The following CEP44 variants were observed in gnomAD, a reference collection of about 807,000 sequenced individuals.
The protein encoded by CEP44 is centrosomal protein of 44 kDa.
In CEP44, 45 loss-of-function variants were observed where a neutral mutation model predicts 46.7. The observed-to-expected ratio is 0.96, with a 90% CI of 0.76 to 1.24. The LOEUF is 1.24. Among genes scored for constraint, CEP44 ranks in the 50% most tolerant of loss-of-function variants. The pLI is 0.00. For synonymous variants in CEP44, 142 were observed against 146.0 expected (o/e 0.97, Z 0.20); for missense variants, 475 against 459.7 (o/e 1.03, Z -0.30).
chr4:174,327,207 A>AG (rs57693977), intron 8 of CEP44, among the ~76,000 whole-genome samples: 7 of 150,110 alleles, frequency 4.7e-5, no homozygotes, highest in African/African-American at 1.2e-4. Context: ...AGAGAGAGAG[A>AG]AAAAACAGAT....
chr4:174,312,203 A>G lies in CEP44; in HGVS notation c.961+1345A>G, dbSNP rs1032010195. ...AGTTTGATTTTGCATGCTCAGGCTT[A>G]TTTTTTTTTAATGACATGATTATAG... On this transcript the variant is annotated intron_variant, in intron 9 of 11. Transcript: ENST00000503780. This position sits in a 1 kb window ranked among gnomAD's most constrained non-coding sequence, Gnocchi z 4.5. Among the ~76,000 whole-genome samples the G allele has an allele frequency of 1.5e-4, 22 of 149,192 alleles. No homozygotes were observed. The highest frequency in any genetic ancestry group is 4.5e-5 in the Non-Finnish European group (3 of 67,188).
In CEP44 at chr4:174,297,339, G is replaced by T. The variant is rs1315418422; in HGVS notation, c.-147-627G>T. Among the ~76,000 whole-genome samples, 1 of 151,262 alleles carries T rather than the reference G, an allele frequency of 6.6e-6. No individual in the cohort carries two copies. The highest frequency in any genetic ancestry group is 1.5e-5 in the Non-Finnish European group (1 of 67,850). ...TTCTTCTCTGCTTATTTTGTTTAAG[G>T]TATTTATATATACTTTTCATACTGA... On this transcript the variant is annotated intron_variant, in intron 1 of 11. Transcript: ENST00000503780. This position sits in a 1 kb window ranked among gnomAD's most constrained non-coding sequence, Gnocchi z 4.3.
In CEP44 at chr4:174,317,953, G is replaced by A. The variant is rs1464652561; in HGVS notation, c.*570G>A. On this transcript the variant is annotated 3_prime_UTR_variant, in exon 12 of 12. Transcript: ENST00000503780. ...AAATTAAGGTTAAGATTCTCCTTTTGTACTGGGAAACAGGCTGGAGGACTA... is the reference window on the plus strand; with the variant it reads ...AAATTAAGGTTAAGATTCTCCTTTTATACTGGGAAACAGGCTGGAGGACTA... The A allele has an allele frequency of 1.0e-6, 1 of 985,206 alleles. No homozygotes were observed. The highest frequency in any genetic ancestry group is 1.2e-6 in the Non-Finnish European group (1 of 829,880). The allele number at this position is 985,206 out of a possible 1,614,324, so 61.0% of individuals were successfully genotyped here. A position where few individuals can be genotyped will look rare whatever the true frequency, so the allele number is the denominator to read the frequency against.
At chr4:174,294,444 T>C (rs1249756044) in intron 1 of CEP44, among the ~76,000 whole-genome samples, 1 of 151,530 alleles carries the variant, frequency 6.6e-6, no homozygotes, top group Non-Finnish European at 1.5e-5. Context: ...TGTCTACCTC[T>C]TTCTACACAG....
chr4:174,306,013 G>C (rs1740353822), intron 6 of CEP44, among the ~76,000 whole-genome samples: 1 of 151,972 alleles, frequency 6.6e-6, no homozygotes, highest in Non-Finnish European at 1.5e-5. Context: ...AAAGTTCTCA[G>C]ATTTAGAAAA....
In CEP44 at chr4:174,325,804, A is replaced by G. The variant is rs1742626390; in HGVS notation, c.1087-5678A>G. Among the ~76,000 whole-genome samples, 1 of 152,188 alleles carries G rather than the reference A, an allele frequency of 6.6e-6. No individual in the cohort carries two copies. The highest frequency in any genetic ancestry group is 6.5e-5 in the Admixed American group (1 of 15,268). On this transcript the variant is annotated intron_variant, in intron 8 of 8. Coordinates refer to the CEP44 transcript ENST00000426172. This position sits in a 1 kb window ranked among gnomAD's most constrained non-coding sequence, Gnocchi z 4.4. ...TTTAGGACTGCTATTTCTTCATGAT[A>G]AAGAGACTTATTTCTTATTATGAGT... is the stretch of plus-strand genomic sequence containing the variant.
At chr4:174,289,530 G>C (rs1435646697) in intron 1 of CEP44, among the ~76,000 whole-genome samples, 1 of 151,294 alleles carries the variant, frequency 6.6e-6, no homozygotes, top group Admixed American at 6.6e-5. Context: ...CCAATTTGAT[G>C]GCATATAATT....
chr4:174,314,336 T>C lies in CEP44; in HGVS notation c.962-1830T>C, dbSNP rs184296910. Reference sequence around the variant, plus strand: ...AAGAAACTATTAATGTTTAAACAAGTAAGGCTTTACTAAAGGTTCAGGATA... The same window carrying C: ...AAGAAACTATTAATGTTTAAACAAGCAAGGCTTTACTAAAGGTTCAGGATA... On this transcript the variant is annotated intron_variant, in intron 9 of 11. Transcript: ENST00000503780. This position sits in a 1 kb window ranked among gnomAD's most constrained non-coding sequence, Gnocchi z 4.1. Among the ~76,000 whole-genome samples, 4 of 152,266 alleles carry C rather than the reference T, an allele frequency of 2.6e-5. No individual in the cohort carries two copies. The highest frequency in any genetic ancestry group is 7.2e-5 in the African/African-American group (3 of 41,548).
At position 174,309,953 on chromosome 4, in the gene CEP44, T is replaced by G; in HGVS notation, c.782T>G (p.Leu261Trp). 6.2e-7 allele frequency: 1 copy of G among 1,612,854 alleles called. No individual in the cohort carries two copies. Among genetic ancestry groups the G allele is most frequent in the Non-Finnish European group, 8.5e-7 (1 of 1,179,258 alleles). The part of the protein sequence containing the change: ...LTSIEKRLDC[L>W]EQKMKGKVMV... The stretch of plus-strand genomic sequence containing the variant: ...TCGATAGAGAAAAGGTTAGACTGTT[T>G]GGAACAAAAAATGAAAGGAAAAGTG... The change falls in exon 8 of 12, where the codon TTG (leucine) becomes TGG (tryptophan). Residue 261 changes from leucine to tryptophan, a missense_variant. Physicochemically the swap from Leu to Trp is moderately conservative, Grantham distance 61. Transcript: ENST00000503780. The surrounding 1 kb of genome is among the most constrained non-coding windows in gnomAD (Gnocchi z 5.3).
chr4:174,316,660 C>A (rs1741759178), intron 11 of CEP44, 93 bp downstream of exon 11: 1 of 1,144,868 alleles, frequency 8.7e-7, no homozygotes, highest in Non-Finnish European at 1.2e-6. Flanking sequence ...GTGTTTCAAA[C>A]CTTAAAGGTC....
In CEP44 at chr4:174,310,150, TGAGA is replaced by T; in HGVS notation, c.885+95_885+98del. The T allele has an allele frequency of 2.8e-6, 3 of 1,072,008 alleles. No homozygotes were observed. Among genetic ancestry groups the T allele is most frequent in the Non-Finnish European group, 4.0e-6 (3 of 755,154 alleles). The allele number at this position is 1,072,008 out of a possible 1,614,324, so 66.4% of individuals were successfully genotyped here. A position where few individuals can be genotyped will look rare whatever the true frequency, so the allele number is the denominator to read the frequency against. ...TGTATTTTTTTGGAAATGCTAAATA[TGAGA>T]ATATTTGAATAATGAGAAAATGTCT... On this transcript the variant is annotated intron_variant, in intron 8 of 11. Coordinates refer to ENST00000503780, the MANE Select transcript of CEP44 (RefSeq NM_001040157.3). This position sits in a 1 kb window ranked among gnomAD's most constrained non-coding sequence, Gnocchi z 4.2.
Position 174,314,847 on chromosome 4 carries a change from C to T in CEP44, c.962-1319C>T, listed in dbSNP as rs1227175973. Among the ~76,000 whole-genome samples the T allele has an allele frequency of 1.3e-5, 2 of 152,160 alleles. No individual in the cohort carries two copies. The highest frequency in any genetic ancestry group is 3.8e-4 in the East Asian group (2 of 5,200). On this transcript the variant is annotated intron_variant, in intron 9 of 11. Transcript: ENST00000503780. The surrounding 1 kb of genome is among the most constrained non-coding windows in gnomAD (Gnocchi z 4.1). ...ACACCCTGTAATCTTGACCTCCAGG[C>T]TTAGCTAATTGGATTAAGAGTAGAC...
rs150039229 is a variant in CEP44 at position 174,301,698 on chromosome 4, A to C, written c.90-341A>C. Among the ~76,000 whole-genome samples, 498 of 152,300 alleles carry C rather than the reference A, an allele frequency of 3.3e-3. 7 individuals carry two copies. Among genetic ancestry groups the C allele is most frequent in the African/African-American group, 0.011 (454 of 41,578 alleles). ...AAGTGTTTGCAAAACCATAAAGTGT[A>C]CTTCAATTTTGTAAGATGGTACATT... On this transcript the variant is annotated intron_variant, in intron 3 of 11. Transcript: ENST00000503780. This position sits in a 1 kb window ranked among gnomAD's most constrained non-coding sequence, Gnocchi z 4.3.
At chr4:174,302,467 C>G (rs1739843636) in intron 4 of CEP44, among the ~76,000 whole-genome samples, 1 of 151,814 alleles carries the variant, frequency 6.6e-6, no homozygotes, top group African/African-American at 2.4e-5. Context: ...GATATACTGG[C>G]AGAAATTAGA....
Position 174,288,125 on chromosome 4 carries a change from C to T in CEP44, c.-148+4182C>T, listed in dbSNP as rs763309790. ...GCTTCATTTTTTAACCTGTTTATTGCGGTATGATTGACATACAGAAAGCTA... is the reference window on the plus strand; with the variant it reads ...GCTTCATTTTTTAACCTGTTTATTGTGGTATGATTGACATACAGAAAGCTA... On this transcript the variant is annotated intron_variant, in intron 1 of 11. Transcript: ENST00000503780. This position sits in a 1 kb window ranked among gnomAD's most constrained non-coding sequence, Gnocchi z 4.6. Among the ~76,000 whole-genome samples, 64 of 152,156 alleles carry T rather than the reference C, an allele frequency of 4.2e-4. No individual in the cohort carries two copies. Among genetic ancestry groups the T allele is most frequent in the South Asian group, 2.1e-4 (1 of 4,826 alleles).
rs918526581 is a variant in CEP44 at position 174,312,278 on chromosome 4, T to A, written c.961+1420T>A. Among the ~76,000 whole-genome samples the A allele has an allele frequency of 2.3e-4, 35 of 151,972 alleles. No homozygotes were observed. Among genetic ancestry groups the A allele is most frequent in the African/African-American group, 5.1e-4 (21 of 41,458 alleles). ...AACACATGGCTAAGTTTTTTTTTTT[T>A]AATTTTTTAATTTTTTTGAGATAAG... On this transcript the variant is annotated intron_variant, in intron 9 of 11. Transcript: ENST00000503780. The surrounding 1 kb of genome is among the most constrained non-coding windows in gnomAD (Gnocchi z 4.5).
rs1157749156 is a variant in CEP44 at position 174,325,814 on chromosome 4, A to C, written c.1087-5668A>C. Among the ~76,000 whole-genome samples, 1 of 152,124 alleles carries C rather than the reference A, an allele frequency of 6.6e-6. No homozygotes were observed. Among genetic ancestry groups the C allele is most frequent in the Non-Finnish European group, 1.5e-5 (1 of 68,020 alleles). Reference sequence around the variant, plus strand: ...CTATTTCTTCATGATAAAGAGACTTATTTCTTATTATGAGTTGGCCCTCTT... The same window carrying C: ...CTATTTCTTCATGATAAAGAGACTTCTTTCTTATTATGAGTTGGCCCTCTT... On this transcript the variant is annotated intron_variant, in intron 8 of 8. Transcript: ENST00000426172. This position sits in a 1 kb window ranked among gnomAD's most constrained non-coding sequence, Gnocchi z 4.4.
In CEP44 at chr4:174,286,170, C is replaced by A. The variant is rs993378403; in HGVS notation, c.-148+2227C>A. ...GAGACTAGGAACAGAAAGGTAGGTT[C>A]ATAAAGAGGGAGCAGTTGCTCTACC... On this transcript the variant is annotated intron_variant, in intron 1 of 11. Coordinates refer to ENST00000503780, the MANE Select transcript of CEP44 (RefSeq NM_001040157.3). This position sits in a 1 kb window ranked among gnomAD's most constrained non-coding sequence, Gnocchi z 5.2. Among the ~76,000 whole-genome samples, 13 of 152,158 alleles carry A rather than the reference C, an allele frequency of 8.5e-5. No homozygotes were observed. Among genetic ancestry groups the A allele is most frequent in the Non-Finnish European group, 1.9e-4 (13 of 68,010 alleles).
In CEP44 at chr4:174,317,406, C is replaced by A; in HGVS notation, c.*23C>A. ...TAGGATTTTCTACATGAACTTTTTT[C>A]TAGGACTTTGGTTACTATACATATT... On this transcript the variant is annotated 3_prime_UTR_variant, in exon 12 of 12. Coordinates refer to ENST00000503780, the MANE Select transcript of CEP44 (RefSeq NM_001040157.3). The A allele has an allele frequency of 7.1e-7, 1 of 1,406,518 alleles. No homozygotes were observed. The highest frequency in any genetic ancestry group is 2.5e-5 in the East Asian group (1 of 39,788). The allele number at this position is 1,406,518 out of a possible 1,614,324, so 87.1% of individuals were successfully genotyped here.
Sources: gnomAD v4.1 joint callset for allele counts (sites outside exome capture counted in the v4.1 genomes callset) on GRCh38, gnomAD v4.1.1 for gene constraint, Gnocchi (gnomAD v3.1) non-coding constraint, MANE v1.5 for transcripts, NCBI Gene and HGNC (gene_info 2026-07-23, HGNC 2026-07-21) for gene names.